Variants in GRHL3 observed in about 807,000 individuals in gnomAD.
The protein encoded by GRHL3 is grainyhead-like protein 3 homolog.
A neutral mutation model predicts 70.3 loss-of-function variants in GRHL3; 20 were observed. That is an observed-to-expected ratio of 0.28 (90% CI 0.20 to 0.41). The LOEUF is 0.41. Ranked by LOEUF, GRHL3 falls within the 10% of genes least tolerant of loss-of-function variation. The probability of loss-of-function intolerance (pLI) is 1.00; values close to 1 mark genes in which losing one functional copy is unlikely to be tolerated. For missense variants in GRHL3, 637 were observed against 762.3 expected, an observed-to-expected ratio of 0.84 and a Z score of 1.94; for synonymous variants, 299 against 299.9, an observed-to-expected ratio of 1.00 and a Z score of 0.03.
At chr1:24,337,943 C>G in intron 6 of GRHL3, 49 bp from the exon 7 acceptor site, 1 of 1,547,596 alleles carries the variant, frequency 6.5e-7, no homozygotes, top group Non-Finnish European at 8.8e-7. Context: ...CCATTGGAAC[C>G]AGGCTCTAGG....
intron 15 of GRHL3, chr1:24,360,975 A>G: frequency 6.2e-7 from 1 of 1,613,932 alleles, no homozygotes; most frequent in South Asian, 1.1e-5. Flanking sequence ...ACTGACCAGG[A>G]CCTGGGAAAG....
chr1:24,335,722 A>G (rs1197103739), intron 3 of GRHL3, among the ~76,000 whole-genome samples: 4 of 151,788 alleles, frequency 2.6e-5, no homozygotes, highest in Non-Finnish European at 1.5e-5. Flanking sequence ...AGCTGGGACT[A>G]CAGGCTCCCG....
chr1:24,347,343 CT>C (rs1640328641), intron 13 of GRHL3, 124 bp from the exon 14 acceptor site: 1 of 824,500 alleles, frequency 1.2e-6, no homozygotes, highest in Admixed American at 2.0e-5. Context: ...GCCAAAGGGC[CT>C]CCCAGCTGGG....
At chr1:24,324,810 C>T (rs976658013) in intron 1 of GRHL3, among the ~76,000 whole-genome samples, 2 of 152,174 alleles carry the variant, frequency 1.3e-5, no homozygotes, top group African/African-American at 4.8e-5. Flanking sequence ...TGGGCCCACT[C>T]CCATAACGAT....
chr1:24,341,423 C>T (rs187996310), intron 8 of GRHL3, among the ~76,000 whole-genome samples: 36 of 152,336 alleles, frequency 2.4e-4, no homozygotes, highest in Non-Finnish European at 4.4e-4. Flanking sequence ...CAGCTTCCTG[C>T]AGCAGATGTG....
chr1:24,331,415 C>T lies in GRHL3; in HGVS notation c.18-11C>T, dbSNP rs1449876940. On this transcript the variant is annotated splice_polypyrimidine_tract_variant and intron_variant, in intron 1 of 15. Transcript: ENST00000361548. ...GATAGCCTAAATTTGACTCTCCTTA[C>T]TTGCATTCAGTTTCAGGTCTGTGCG... is the stretch of plus-strand genomic sequence containing the variant. The T allele has an allele frequency of 1.2e-6, 2 of 1,602,782 alleles. No homozygotes were observed. The highest frequency in any genetic ancestry group is 1.7e-6 in the Non-Finnish European group (2 of 1,172,806).
At chr1:24,335,740 G>A (rs559839811) in intron 3 of GRHL3, among the ~76,000 whole-genome samples, 4 of 152,066 alleles carry the variant, frequency 2.6e-5, no homozygotes, top group South Asian at 2.1e-4. Flanking sequence ...CCGCCACCTC[G>A]CCCGGCTAAT....
chr1:24,354,096 G>A (rs1640621401), intron 15 of GRHL3, among the ~76,000 whole-genome samples: 1 of 152,206 alleles, frequency 6.6e-6, no homozygotes, highest in Non-Finnish European at 1.5e-5. Context: ...CCATCCTCGG[G>A]TGTACCAGGA....
At chr1:24,338,195 TAC>T (rs1639901893) in intron 7 of GRHL3, 92 bp downstream of exon 7, 2 of 808,452 alleles carry the variant, frequency 2.5e-6, no homozygotes, top group Middle Eastern at 3.1e-4. Context: ...CCTGTTTCCC[TAC>T]CTGGCTCTGA....
intron 11 of GRHL3, among the ~76,000 whole-genome samples, chr1:24,343,996 G>C (rs1415158433): frequency 6.6e-6 from 1 of 152,186 alleles, no homozygotes; most frequent in Non-Finnish European, 1.5e-5. Context: ...ACAGGCGGCT[G>C]TGTGAACCTG....
chr1:24,320,299 G>A (rs907869403), intron 1 of GRHL3, among the ~76,000 whole-genome samples: 19 of 152,332 alleles, frequency 1.2e-4, no homozygotes, highest in African/African-American at 3.8e-4. Context: ...CTAAGGCTGG[G>A]GAAGATGAGA....
intron 1 of GRHL3, among the ~76,000 whole-genome samples, chr1:24,325,358 A>T (rs998163765): frequency 6.6e-6 from 1 of 152,168 alleles, no homozygotes; most frequent in Non-Finnish European, 1.5e-5. Context: ...TTAACTACTG[A>T]GTCCCATCCT....
intron 11 of GRHL3, among the ~76,000 whole-genome samples, chr1:24,344,418 G>C (rs1377713869): frequency 6.7e-6 from 1 of 148,826 alleles, no homozygotes; most frequent in African/African-American, 2.5e-5. Flanking sequence ...TTCAGCCCAG[G>C]AGGTCGAGGC....
chr1:24,335,703 C>T (rs1040339887), intron 3 of GRHL3, among the ~76,000 whole-genome samples: 2 of 152,022 alleles, frequency 1.3e-5, no homozygotes, highest in African/African-American at 4.8e-5. Context: ...CTGCCTCAGC[C>T]TCCCGAGCAG....
intron 3 of GRHL3, 127 bp from the exon 4 acceptor site, chr1:24,336,355 G>T (rs1639810804): frequency 3.2e-6 from 2 of 627,438 alleles, no homozygotes; most frequent in Non-Finnish European, 2.8e-6. Context: ...CTTATTTCGT[G>T]CATGCTGGAT....
rs138381915 is a variant in GRHL3, at chr1:24,346,567, G to A, written c.1469G>A (p.Arg490His). Residue 490 changes from arginine (R) to histidine (H), a missense_variant, in exon 13 of 16, where the codon CGT (arginine) becomes CAT (histidine). By Grantham distance (29) the Arg-to-His change is conservative. Around this residue, in one of 2 missense-constraint regions of GRHL3, gnomAD observed 387 missense variants for 513.8 expected, o/e 0.75. Coordinates refer to ENST00000361548, the MANE Select transcript of GRHL3 (RefSeq NM_198173.3). ...PSSSNRLPLK[R>H]TCSPFTEEFE... is the part of the protein sequence containing the mutation. ...CATCCCCACAGGCTGCCTCTGAAGCGTACCTGCTCGCCCTTCACTGAGGAG... is the reference window on the plus strand; with the variant it reads ...CATCCCCACAGGCTGCCTCTGAAGCATACCTGCTCGCCCTTCACTGAGGAG... 8.0e-4 allele frequency: 1,296 copies of A among 1,612,746 alleles called. 1 individual carries two copies. Among genetic ancestry groups the A allele is most frequent in the South Asian group, 8.9e-4 (81 of 90,986 alleles).
At chr1:24,338,735 G>A (rs1448101636) in intron 7 of GRHL3, among the ~76,000 whole-genome samples, 2 of 152,232 alleles carry the variant, frequency 1.3e-5, no homozygotes, top group Admixed American at 6.5e-5. Flanking sequence ...ACTGTTTAAT[G>A]ACTTGTCCGA....
Position 24,319,463 on chromosome 1 carries a change from C to A in GRHL3, c.-89C>A. 1.5e-6 allele frequency: 2 copies of A among 1,331,332 alleles called. No individual in the cohort carries two copies. The highest frequency in any genetic ancestry group is 2.3e-5 in the South Asian group (2 of 85,448). 82.5% of individuals were successfully genotyped at this position (1,331,332 alleles called of 1,614,324 possible). A position where few individuals can be genotyped will look rare whatever the true frequency, so the allele number is the denominator to read the frequency against. The stretch of plus-strand genomic sequence containing the variant: ...CCTCAACATAAATCAAACACTTTCC[C>A]GGGCAGAGAATGTCTGTGTCAGGCA... On this transcript the variant is annotated 5_prime_UTR_variant, in exon 1 of 16. Coordinates refer to ENST00000361548, the MANE Select transcript of GRHL3 (RefSeq NM_198173.3).
At chr1:24,351,745 C>T (rs180947962) in intron 15 of GRHL3, among the ~76,000 whole-genome samples, 22 of 152,280 alleles carry the variant, frequency 1.4e-4, no homozygotes, top group Admixed American at 2.6e-4. Context: ...CCCCTTAAGC[C>T]CCAGCCAGCT....
Sources: allele counts gnomAD v4.1 joint callset (sites outside exome capture counted in the v4.1 genomes callset), GRCh38; gene constraint gnomAD v4.1.1; regional missense constraint gnomAD v4.1.1; transcripts MANE v1.5; gene names NCBI Gene and HGNC (gene_info 2026-07-23, HGNC 2026-07-21).